Variants in DNAH7 observed in about 807,000 individuals in gnomAD.
DNAH7 encodes the protein dynein axonemal heavy chain 7, also known as axonemal beta dynein heavy chain 7.
A neutral mutation model predicts 444.6 loss-of-function variants in DNAH7; 397 were observed. The ratio of observed to expected loss-of-function variants is 0.89; its 90% CI spans 0.82 to 0.97. DNAH7 has a LOEUF of 0.97. Ranked by LOEUF, DNAH7 falls within the 50% of genes least tolerant of loss-of-function variation. The probability of loss-of-function intolerance (pLI) is 0.00; values close to 1 mark genes in which losing one functional copy is unlikely to be tolerated. For missense variants in DNAH7, 4,902 were observed against 4,800.8 expected, an observed-to-expected ratio of 1.02 and a Z score of -0.62; for synonymous variants, 1,636 against 1,624.4, an observed-to-expected ratio of 1.01 and a Z score of -0.17.
intron 40 of DNAH7, among the ~76,000 whole-genome samples, chr2:195,869,560 T>C (rs1057429009): frequency 6.6e-6 from 1 of 151,930 alleles, no homozygotes; most frequent in Admixed American, 6.6e-5. Context: ...ACTACTAGGA[T>C]AGGGGAGGGG....
At chr2:196,050,135 C>T (rs986312965) in intron 3 of DNAH7, among the ~76,000 whole-genome samples, 3 of 152,190 alleles carry the variant, frequency 2.0e-5, no homozygotes, top group Non-Finnish European at 2.9e-5. Flanking sequence ...CAAAGCAACA[C>T]AAATTCAATT....
At position 195,869,637 on chromosome 2, in the gene DNAH7, T is replaced by C. The variant is rs77983013; in HGVS notation, c.6633+2613A>G. Among the ~76,000 whole-genome samples the C allele has an allele frequency of 0.019, 2,951 of 152,172 alleles. 247 individuals are homozygous for C. The East Asian group carries it at 0.27, about 14-fold the overall frequency. On this transcript the variant is annotated intron_variant, in intron 40 of 64. Coordinates refer to ENST00000312428, the MANE Select transcript of DNAH7 (RefSeq NM_018897.3). ...ATTTGATCAAAGGCAGGGAAGGAGC[T>C]ATTCCAGAGCATCAATATCTGGGGG...
rs964949614 is a variant in DNAH7, at chr2:196,046,198, T to C, written c.398+1154A>G. Among the ~76,000 whole-genome samples, 8 of 152,300 alleles carry C rather than the reference T, an allele frequency of 5.3e-5. No homozygotes were observed. In the East Asian group the frequency reaches 1.3e-3, roughly 26 times the overall value. ...GGAAAATAAATTAAGTAGACAGGCA[T>C]GGCCATCCTAAGGCTACGGCTGCCC... On this transcript the variant is annotated intron_variant, in intron 5 of 64. Transcript: ENST00000312428.
chr2:196,010,743 G>A (rs1694680024), intron 10 of DNAH7, among the ~76,000 whole-genome samples: 2 of 151,968 alleles, frequency 1.3e-5, no homozygotes, highest in African/African-American at 4.8e-5. Context: ...TATATAAAAT[G>A]TAAACAAAAT....
intron 55 of DNAH7, among the ~76,000 whole-genome samples, chr2:195,798,930 A>G (rs1387300560): frequency 6.6e-6 from 1 of 152,128 alleles, no homozygotes; most frequent in East Asian, 1.9e-4. Flanking sequence ...AGAGTGGCAG[A>G]GGGGTGGGAT....
rs780901030 is a variant in DNAH7, at chr2:195,923,747, G to A, written c.3673C>T (p.Arg1225Cys). ...RQIDDIVTLV[R>C]GKLSMQNRVT... ...CGATTCTGCATGGACAATTTGCCAC[G>A]CACCAAAGTGACAATATCATCAATT... Residue 1225 changes from arginine to cysteine, a missense_variant, in exon 23 of 65, where the codon CGT (arginine) becomes TGT (cysteine). Physicochemically the swap from Arg to Cys is radical, Grantham distance 180 (BLOSUM62 -3). Transcript: ENST00000312428. 46 of 1,613,920 alleles carry A rather than the reference G, an allele frequency of 2.9e-5. No homozygotes were observed. Among genetic ancestry groups the A allele is most frequent in the Admixed American group, 1.7e-4 (10 of 59,980 alleles).
At chr2:195,971,265 T>C (rs985391037) in intron 16 of DNAH7, among the ~76,000 whole-genome samples, 1 of 152,214 alleles carries the variant, frequency 6.6e-6, no homozygotes, top group Non-Finnish European at 1.5e-5. Flanking sequence ...AAACTTACTC[T>C]TCCACCTGTA....
chr2:195,873,539 T>TAAA, intron 39 of DNAH7, 29 bp downstream of exon 39: 1 of 1,116,548 alleles, frequency 9.0e-7, no homozygotes. Flanking sequence ...ACCTCCTAAT[T>TAAA]AAAAAAAAAA....
intron 12 of DNAH7, chr2:195,994,804 G>A (rs1043762860): frequency 8.3e-5 from 38 of 457,710 alleles, no homozygotes; most frequent in Non-Finnish European, 7.6e-5. Context: ...GAGGTCCAGG[G>A]TATAGCTTTG....
At chr2:195,966,822 G>C (rs764531189) in intron 17 of DNAH7, among the ~76,000 whole-genome samples, 18 of 151,902 alleles carry the variant, frequency 1.2e-4, no homozygotes, top group Non-Finnish European at 2.2e-4. Context: ...TTTATTTTCA[G>C]TCTATGTGTG....
At chr2:195,748,189 T>C (rs1010352497) in intron 63 of DNAH7, among the ~76,000 whole-genome samples, 6 of 152,046 alleles carry the variant, frequency 3.9e-5, no homozygotes, top group Non-Finnish European at 7.4e-5. Context: ...TATACACCAA[T>C]AACAGACAAA....
intron 49 of DNAH7, among the ~76,000 whole-genome samples, chr2:195,820,709 G>A (rs375922530): frequency 1.3e-5 from 2 of 152,014 alleles, no homozygotes; most frequent in Admixed American, 1.3e-4. Context: ...AACCTAAATT[G>A]TAGCAGCTAA....
chr2:195,818,324 T>C (rs1697314511), intron 49 of DNAH7, among the ~76,000 whole-genome samples: 1 of 152,104 alleles, frequency 6.6e-6, no homozygotes, highest in Admixed American at 6.6e-5. Context: ...TTGTCATGAG[T>C]GAAGTATTTT....
intron 25 of DNAH7, 34 bp from the exon 26 acceptor site, chr2:195,907,043 T>C (rs1559210134): frequency 4.6e-6 from 7 of 1,525,520 alleles, no homozygotes; most frequent in South Asian, 1.2e-5. Flanking sequence ...TTTTTGACTT[T>C]ATCTGATTCA....
chr2:195,971,367 G>A (rs1180113907), intron 16 of DNAH7, among the ~76,000 whole-genome samples: 1 of 152,128 alleles, frequency 6.6e-6, no homozygotes, highest in Non-Finnish European at 1.5e-5. Flanking sequence ...GCTGGGAAGT[G>A]GATATAAATG....
chr2:195,836,963 G>C (rs1679981207), intron 47 of DNAH7, among the ~76,000 whole-genome samples: 1 of 152,052 alleles, frequency 6.6e-6, no homozygotes, highest in African/African-American at 2.4e-5. Flanking sequence ...AAGCTATATA[G>C]TCCACAAAGC....
chr2:195,794,383 C>T lies in DNAH7; in HGVS notation c.10671G>A (p.Met3557Ile). ...AGAACTCCGGATCAGAGATCGGGTC[C>T]ATGAGGTATGATCGAATGATATTAG... The part of the protein sequence containing the change: ...LRANIIRSYL[M>I]DPISDPEFFG... Residue 3557 changes from methionine (M) to isoleucine (I), a missense_variant, in exon 57 of 65, where the codon ATG becomes ATA. Transcript: ENST00000312428. The T allele has an allele frequency of 6.2e-7, 1 of 1,614,078 alleles. No homozygotes were observed. The highest frequency in any genetic ancestry group is 8.5e-7 in the Non-Finnish European group (1 of 1,180,000).
At chr2:195,752,208 C>T (rs1262060788) in intron 63 of DNAH7, among the ~76,000 whole-genome samples, 1 of 150,772 alleles carries the variant, frequency 6.6e-6, no homozygotes, top group Non-Finnish European at 1.5e-5. Flanking sequence ...GAGGTCAAGG[C>T]TGCAGTAAGT....
chr2:196,001,848 C>T lies in DNAH7; in HGVS notation c.1000G>A (p.Glu334Lys). The T allele has an allele frequency of 6.2e-7, 1 of 1,602,946 alleles. No individual in the cohort carries two copies. The highest frequency in any genetic ancestry group is 2.2e-5 in the East Asian group (1 of 44,698). The change falls in exon 11 of 65, where the codon GAA becomes AAA. Residue 334 changes from glutamate (E) to lysine (K), a missense_variant. Coordinates refer to ENST00000312428, the MANE Select transcript of DNAH7 (RefSeq NM_018897.3). Reference sequence around the variant, plus strand: ...CCTTGGTAATAAATATTCTGCACTTCTGGAAACCACCTTGAAAGAACAAAA... The same window carrying T: ...CCTTGGTAATAAATATTCTGCACTTTTGGAAACCACCTTGAAAGAACAAAA... ...KETLLKMWFP[E>K]VQNIYYQGNK...
Sources: allele counts gnomAD v4.1 joint callset (sites outside exome capture counted in the v4.1 genomes callset), GRCh38; gene constraint gnomAD v4.1.1; transcripts MANE v1.5; gene names NCBI Gene and HGNC (gene_info 2026-07-23, HGNC 2026-07-21).